The following MYT1L variants were observed in gnomAD, a reference collection of about 807,000 sequenced individuals.
MYT1L encodes the protein myelin transcription factor 1 like, also known as myelin transcription factor 1-like protein.
A neutral mutation model predicts 126.7 loss-of-function variants in MYT1L; 12 were observed. That is an observed-to-expected ratio of 0.09 (90% CI 0.06 to 0.15). MYT1L has a LOEUF of 0.15. Among genes scored for constraint, MYT1L ranks in the 10% least tolerant of loss-of-function variants. The pLI is 1.00. For missense variants in MYT1L, 979 were observed against 1,585.2 expected (o/e 0.62, Z 6.49); for synonymous variants, 541 against 604.2 (o/e 0.90, Z 1.53).
chr2:2,033,439 T>G (rs2149953758), intron 4 of MYT1L, among the ~76,000 whole-genome samples: 1 of 151,492 alleles, frequency 6.6e-6, no homozygotes, highest in Middle Eastern at 3.4e-3. Context: ...AAGGAGGGCC[T>G]TATACACACC....
Position 2,111,693 on chromosome 2 carries a change from C to T in MYT1L, c.-303-57570G>A, listed in dbSNP as rs1364107852. On this transcript the variant is annotated intron_variant, in intron 3 of 24. Transcript: ENST00000647738. The stretch of plus-strand genomic sequence containing the variant: ...GCAATCACCAGGAACCAGGTAAAGA[C>T]CGGAGGAGAAACCTACTAGAATAGT... Among the ~76,000 whole-genome samples the T allele has an allele frequency of 2.6e-5, 4 of 152,282 alleles. No homozygotes were observed. The East Asian group carries it at 5.8e-4, about 22-fold the overall frequency.
chr2:2,128,632 G>A (rs539757920), intron 3 of MYT1L, among the ~76,000 whole-genome samples: 1 of 152,256 alleles, frequency 6.6e-6, no homozygotes, highest in East Asian at 1.9e-4. Flanking sequence ...ATACACATTT[G>A]TATTTAATTA....
intron 13 of MYT1L, among the ~76,000 whole-genome samples, chr2:1,909,571 G>C (rs1380110736): frequency 6.6e-6 from 1 of 152,214 alleles, no homozygotes; most frequent in Non-Finnish European, 1.5e-5. Context: ...AGGGCTGAGT[G>C]AATGGGGAGC....
At chr2:1,985,554 T>C (rs1429430057) in intron 5 of MYT1L, among the ~76,000 whole-genome samples, 1 of 152,252 alleles carries the variant, frequency 6.6e-6, no homozygotes, top group Non-Finnish European at 1.5e-5. Flanking sequence ...GCAAGAATCA[T>C]AACTTATATT....
intron 14 of MYT1L, among the ~76,000 whole-genome samples, chr2:1,898,565 G>C (rs962743536): frequency 2.0e-5 from 3 of 152,160 alleles, no homozygotes; most frequent in Admixed American, 6.5e-5. Context: ...AGGGTGGAGC[G>C]AATCTGCAGA....
intron 2 of MYT1L, among the ~76,000 whole-genome samples, chr2:2,206,827 G>A (rs1320299703): frequency 6.6e-6 from 1 of 152,106 alleles, no homozygotes; most frequent in Non-Finnish European, 1.5e-5. Flanking sequence ...AGCCTATTTA[G>A]AGCCACGTTT....
intron 10 of MYT1L, among the ~76,000 whole-genome samples, chr2:1,921,076 G>C (rs2053517303): frequency 6.6e-6 from 1 of 152,230 alleles, no homozygotes; most frequent in Non-Finnish European, 1.5e-5. Context: ...GTGGGAAAAA[G>C]TGCAGTTTTT....
intron 3 of MYT1L, among the ~76,000 whole-genome samples, chr2:2,089,662 T>TTAA (rs1283610855): frequency 6.6e-6 from 1 of 152,036 alleles, no homozygotes; most frequent in East Asian, 1.9e-4. Flanking sequence ...TGGACGGAGG[T>TTAA]TAATAGCACA....
At chr2:2,094,614 C>T (rs1249969440) in intron 3 of MYT1L, among the ~76,000 whole-genome samples, 6 of 152,136 alleles carry the variant, frequency 3.9e-5, no homozygotes, top group African/African-American at 9.7e-5. Context: ...GAGTTCATGT[C>T]CTTTGTAGGG....
intron 3 of MYT1L, among the ~76,000 whole-genome samples, chr2:2,099,310 G>C (rs1161429242): frequency 6.6e-6 from 1 of 151,994 alleles, no homozygotes; most frequent in African/African-American, 2.4e-5. Flanking sequence ...AGTCTTCCCA[G>C]GGGAGTTTAT....
At chr2:1,804,288 T>C (rs1293426380) in intron 22 of MYT1L, among the ~76,000 whole-genome samples, 1 of 152,168 alleles carries the variant, frequency 6.6e-6, no homozygotes, top group African/African-American at 2.4e-5. Flanking sequence ...ACCCGGCTAA[T>C]TTTTGGTATT....
chr2:1,897,697 A>T (rs1396343700), intron 14 of MYT1L, among the ~76,000 whole-genome samples: 1 of 152,172 alleles, frequency 6.6e-6, no homozygotes, highest in African/African-American at 2.4e-5. Flanking sequence ...TCCTGACTTC[A>T]GGTGATCTGC....
intron 3 of MYT1L, among the ~76,000 whole-genome samples, chr2:2,080,776 T>C (rs1380690173): frequency 6.6e-6 from 1 of 152,198 alleles, no homozygotes; most frequent in Admixed American, 6.5e-5. Context: ...TGCAGCTACT[T>C]TGACAAAAAT....
intron 3 of MYT1L, among the ~76,000 whole-genome samples, chr2:2,120,147 T>C (rs1463300941): frequency 6.6e-6 from 1 of 152,184 alleles, no homozygotes; most frequent in Non-Finnish European, 1.5e-5. Context: ...CACTACAATA[T>C]GATAGTGTTA....
At chr2:1,904,054 A>G (rs1469111987) in intron 13 of MYT1L, among the ~76,000 whole-genome samples, 1 of 152,236 alleles carries the variant, frequency 6.6e-6, no homozygotes, top group Non-Finnish European at 1.5e-5. Context: ...AAAGTTGTAC[A>G]GAGGTTTTCT....
At chr2:2,062,528 G>C (rs1027471220) in intron 3 of MYT1L, among the ~76,000 whole-genome samples, 6 of 152,080 alleles carry the variant, frequency 3.9e-5, no homozygotes, top group African/African-American at 1.2e-4. Context: ...CTGCATCCCT[G>C]TCTTCCTCTG....
intron 2 of MYT1L, among the ~76,000 whole-genome samples, chr2:2,179,494 T>C (rs1272715540): frequency 1.3e-5 from 2 of 152,214 alleles, no homozygotes; most frequent in African/African-American, 2.4e-5. Context: ...TAAGTCCACA[T>C]AGTGACCATG....
At chr2:1,839,864 C>T (rs1055086127) in intron 20 of MYT1L, among the ~76,000 whole-genome samples, 2 of 152,192 alleles carry the variant, frequency 1.3e-5, no homozygotes, top group African/African-American at 4.8e-5. Context: ...AATGCCCTTC[C>T]AGCTAGAGAA....
rs2035750485 is a variant in MYT1L at position 1,806,555 on chromosome 2, T to C, written c.3172+2521A>G. Among the ~76,000 whole-genome samples the C allele has an allele frequency of 6.6e-6, 1 of 152,204 alleles. No individual in the cohort carries two copies. The highest frequency in any genetic ancestry group is 2.1e-4 in the South Asian group (1 of 4,832). On this transcript the variant is annotated intron_variant, in intron 22 of 24. Coordinates refer to ENST00000647738, the MANE Select transcript of MYT1L (RefSeq NM_001303052.2). This position sits in a 1 kb window ranked among gnomAD's most constrained non-coding sequence, Gnocchi z 4.9. ...GAGTCACAGACCAACTGCTTATCTT[T>C]ATCCCTCCGAGTTAGCACCTGTTTT...
Sources: allele counts gnomAD v4.1 joint callset (sites outside exome capture counted in the v4.1 genomes callset), GRCh38; gene constraint gnomAD v4.1.1; non-coding constraint Gnocchi (gnomAD v3.1); transcripts MANE v1.5; gene names NCBI Gene and HGNC (gene_info 2026-07-23, HGNC 2026-07-21).